Variants in WDPCP observed in about 807,000 individuals in gnomAD.
WDPCP encodes WD repeat containing planar cell polarity effector.
WDPCP carries 71 observed loss-of-function variants against 93.1 expected under a neutral mutation model. That is an observed-to-expected ratio of 0.76 (90% CI 0.63 to 0.93). The LOEUF is 0.93. WDPCP is among the 40% of genes least tolerant of loss of function. WDPCP has a pLI of 0.00. For missense variants in WDPCP, 844 were observed against 887.4 expected, an observed-to-expected ratio of 0.95 and a Z score of 0.62; for synonymous variants, 315 against 315.0, an observed-to-expected ratio of 1.00 and a Z score of 0.00.
At chr2:63,727,976 A>G (rs1407474730) in intron 2 of WDPCP, among the ~76,000 whole-genome samples, 1 of 152,176 alleles carries the variant, frequency 6.6e-6, no homozygotes, top group East Asian at 1.9e-4. Context: ...AAAGAAGCTA[A>G]AGCTAAAAGA....
At chr2:63,825,309 CTT>C (rs966883032) in intron 1 of WDPCP, among the ~76,000 whole-genome samples, 6 of 152,112 alleles carry the variant, frequency 3.9e-5, no homozygotes, top group Non-Finnish European at 8.8e-5. Flanking sequence ...TATCTTCTGA[CTT>C]AGCACAGTTC....
At chr2:63,394,797 A>G (rs1464472229) in intron 10 of WDPCP, among the ~76,000 whole-genome samples, 4 of 152,170 alleles carry the variant, frequency 2.6e-5, no homozygotes, top group Admixed American at 2.6e-4. Flanking sequence ...ATAGAAAACC[A>G]AACACCACAT....
intron 6 of WDPCP, among the ~76,000 whole-genome samples, chr2:63,446,677 G>T (rs1558645991): frequency 6.6e-6 from 1 of 152,184 alleles, no homozygotes; most frequent in Non-Finnish European, 1.5e-5. Flanking sequence ...GCAGTCCACA[G>T]GAAACCCACC....
chr2:63,182,652 T>C (rs999850923), intron 14 of WDPCP, among the ~76,000 whole-genome samples: 1 of 151,976 alleles, frequency 6.6e-6, no homozygotes, highest in Non-Finnish European at 1.5e-5. Context: ...TAATACTGGC[T>C]CTGTAGAATG....
At chr2:63,145,948 T>A (rs909712210) in intron 17 of WDPCP, among the ~76,000 whole-genome samples, 10 of 152,164 alleles carry the variant, frequency 6.6e-5, no homozygotes, top group African/African-American at 2.4e-4. Context: ...CATTCCTAGG[T>A]GTTTTATTCT....
intron 2 of WDPCP, among the ~76,000 whole-genome samples, chr2:63,723,063 T>C (rs1669449209): frequency 1.3e-5 from 2 of 152,212 alleles, no homozygotes; most frequent in African/African-American, 4.8e-5. Context: ...AGATGTGCTT[T>C]GTTAAACAGA....
At chr2:63,463,819 C>T (rs931651791) in intron 6 of WDPCP, among the ~76,000 whole-genome samples, 4 of 152,072 alleles carry the variant, frequency 2.6e-5, no homozygotes, top group Non-Finnish European at 5.9e-5. Flanking sequence ...CCTTACCTTA[C>T]ATAATATACA....
chr2:63,592,672 A>G (rs995700431), upstream of WDPCP, among the ~76,000 whole-genome samples: 1 of 152,240 alleles, frequency 6.6e-6, no homozygotes, highest in African/African-American at 2.4e-5. Context: ...AATAAATAAA[A>G]TATCTTAAAA....
At chr2:63,438,248 A>C (rs2105508443) in intron 7 of WDPCP, among the ~76,000 whole-genome samples, 1 of 152,146 alleles carries the variant, frequency 6.6e-6, no homozygotes, top group South Asian at 2.1e-4. Context: ...AATGTTTTGC[A>C]TTGTTCCTAG....
intron 14 of WDPCP, chr2:63,229,786 G>A (rs1678657425): frequency 6.6e-6 from 1 of 151,328 alleles, no homozygotes; most frequent in African/African-American, 2.4e-5. Context: ...CTGTTCCATT[G>A]GTCTATATCT....
At chr2:63,392,288 G>C (rs987339915) in intron 10 of WDPCP, among the ~76,000 whole-genome samples, 3 of 152,176 alleles carry the variant, frequency 2.0e-5, no homozygotes, top group East Asian at 1.9e-4. Context: ...AATGGGGAAA[G>C]GATTCCCTAT....
At chr2:63,607,735 C>T (rs1415920530) in intron 3 of WDPCP, among the ~76,000 whole-genome samples, 10 of 147,184 alleles carry the variant, frequency 6.8e-5, no homozygotes, top group African/African-American at 2.3e-4. Flanking sequence ...GAGGCTGAGG[C>T]AGGAGAATGG....
intron 1 of WDPCP, among the ~76,000 whole-genome samples, chr2:63,553,505 G>A (rs1267786865): frequency 6.6e-6 from 1 of 151,978 alleles, no homozygotes; most frequent in East Asian, 1.9e-4. Context: ...TTGGAGTGCA[G>A]GGTATTTTTT....
intron 14 of WDPCP, among the ~76,000 whole-genome samples, chr2:63,200,014 T>C (rs1413979873): frequency 6.6e-6 from 1 of 152,194 alleles, no homozygotes; most frequent in Non-Finnish European, 1.5e-5. Context: ...GGAGATTATT[T>C]TGGAGCTTTA....
chr2:63,735,343 A>G (rs1669623496), intron 2 of WDPCP, among the ~76,000 whole-genome samples: 1 of 152,184 alleles, frequency 6.6e-6, no homozygotes, highest in Non-Finnish European at 1.5e-5. Flanking sequence ...TAGAATCTGA[A>G]CAGGTAGAAA....
At chr2:63,238,474 TAACA>T in intron 14 of WDPCP, among the ~76,000 whole-genome samples, 1 of 152,184 alleles carries the variant, frequency 6.6e-6, no homozygotes, top group East Asian at 1.9e-4. Flanking sequence ...ACGACTTGGG[TAACA>T]AACTACTTCA....
At chr2:63,605,803 G>T (rs948391256) in intron 3 of WDPCP, 3 of 741,936 alleles carry the variant, frequency 4.0e-6, no homozygotes, top group Non-Finnish European at 7.2e-6. Flanking sequence ...CCAGTACCTG[G>T]TGCTGATGAT....
intron 6 of WDPCP, among the ~76,000 whole-genome samples, chr2:63,478,955 C>G (rs959589633): frequency 2.0e-5 from 3 of 150,800 alleles, no homozygotes; most frequent in African/African-American, 7.3e-5. Flanking sequence ...CAAGATTAAC[C>G]AAGAAAAGAA....
chr2:63,715,898 A>G (rs544306977), intron 2 of WDPCP, among the ~76,000 whole-genome samples: 5 of 152,316 alleles, frequency 3.3e-5, no homozygotes, highest in African/African-American at 9.6e-5. Context: ...GAAAAGAAAG[A>G]CATGGTATAG....
Sources: gnomAD v4.1 joint callset for allele counts (sites outside exome capture counted in the v4.1 genomes callset) on GRCh38, gnomAD v4.1.1 for gene constraint, MANE v1.5 for transcripts, NCBI Gene and HGNC (gene_info 2026-07-23, HGNC 2026-07-21) for gene names.